The following CAPZB variants were observed in gnomAD, a reference collection of about 807,000 sequenced individuals.
The protein encoded by CAPZB is F-actin-capping protein subunit beta.
Under a neutral mutation model 38.1 loss-of-function variants are expected in CAPZB, and 2 were observed. That is an observed-to-expected ratio of 0.05 (90% CI 0.02 to 0.17). The LOEUF (loss-of-function observed/expected upper bound fraction) is 0.17. Ranked by LOEUF, CAPZB falls within the 10% of genes least tolerant of loss-of-function variation. The probability of loss-of-function intolerance (pLI) is 1.00; values close to 1 mark genes in which losing one functional copy is unlikely to be tolerated. For synonymous variants in CAPZB, 107 were observed against 127.4 expected, an observed-to-expected ratio of 0.84 and a Z score of 1.08; for missense variants, 161 against 334.2, an observed-to-expected ratio of 0.48 and a Z score of 4.04.
chr1:19,460,900 T>C (rs1335044665), intron 1 of CAPZB, among the ~76,000 whole-genome samples: 1 of 152,084 alleles, frequency 6.6e-6, no homozygotes. Flanking sequence ...AACTGCATTG[T>C]TAGCCTTCAG....
At chr1:19,407,625 G>A (rs2094338409) in intron 2 of CAPZB, among the ~76,000 whole-genome samples, 1 of 152,180 alleles carries the variant, frequency 6.6e-6, no homozygotes, top group Non-Finnish European at 1.5e-5. Flanking sequence ...CTGGAAGGCT[G>A]AGGATTGAGG....
At chr1:19,419,273 G>A (rs578193135) in intron 2 of CAPZB, among the ~76,000 whole-genome samples, 1 of 152,318 alleles carries the variant, frequency 6.6e-6, no homozygotes, top group South Asian at 2.1e-4. Flanking sequence ...GTACTGTGTT[G>A]GCTGGAGAAA....
At chr1:19,411,826 G>A (rs1266682167) in intron 2 of CAPZB, among the ~76,000 whole-genome samples, 1 of 152,108 alleles carries the variant, frequency 6.6e-6, no homozygotes, top group Non-Finnish European at 1.5e-5. Flanking sequence ...TTTCTTCCTG[G>A]TGAAGGGCTG....
chr1:19,436,594 A>G (rs984321439), intron 1 of CAPZB, among the ~76,000 whole-genome samples: 2 of 152,216 alleles, frequency 1.3e-5, no homozygotes, highest in African/African-American at 4.8e-5. Context: ...TCACACCTCA[A>G]TGCAAAGCAT....
chr1:19,411,611 T>C (rs1034229988), intron 2 of CAPZB, among the ~76,000 whole-genome samples: 1 of 152,204 alleles, frequency 6.6e-6, no homozygotes, highest in African/African-American at 2.4e-5. Context: ...CTCCTCTCTT[T>C]CATTCATTCC....
chr1:19,408,949 C>T (rs765323527), intron 2 of CAPZB, among the ~76,000 whole-genome samples: 2 of 152,172 alleles, frequency 1.3e-5, no homozygotes, highest in Admixed American at 6.5e-5. Context: ...TCCAAAAAAG[C>T]TATGTTTCCT....
chr1:19,414,272 G>A (rs1418583085), intron 2 of CAPZB, among the ~76,000 whole-genome samples: 1 of 152,224 alleles, frequency 6.6e-6, no homozygotes, highest in African/African-American at 2.4e-5. Context: ...GGCTACCGCT[G>A]AGGCTGGCAG....
At position 19,484,490 on chromosome 1, in the gene CAPZB, G is replaced by C. The variant is rs2094643593; in HGVS notation, c.3+946C>G. ...GCGGCAGCCTCGAGAAGGGCCCGCA[G>C]AGCAGCGCGCTGCCTTCTGGGCACA... On this transcript the variant is annotated intron_variant, in intron 1 of 8. Coordinates refer to ENST00000264202, the MANE Select transcript of CAPZB (RefSeq NM_004930.5). The C allele has an allele frequency of 1.8e-5, 26 of 1,411,640 alleles. No individual in the cohort carries two copies. The South Asian group carries it at 3.6e-4, about 19-fold the overall frequency. 87.4% of individuals were successfully genotyped at this position (1,411,640 alleles called of 1,614,324 possible). A position where few individuals can be genotyped will look rare whatever the true frequency, so the allele number is the denominator to read the frequency against.
chr1:19,450,144 CAA>C (rs71008167), intron 1 of CAPZB, among the ~76,000 whole-genome samples: 18 of 35,456 alleles, frequency 5.1e-4, no homozygotes, highest in Admixed American at 4.8e-3. Flanking sequence ...ACCCTGTCTC[CAA>C]AAAAAAAAAA....
In CAPZB at chr1:19,357,574, C is replaced by T. The variant is rs771341531; in HGVS notation, c.330-11G>A. ...CCACCTTCAAAATACCTGCAGGAAA[C>T]AGGCCAATGTGCCTGTTAGATGCTA... On this transcript the variant is annotated splice_polypyrimidine_tract_variant and intron_variant, in intron 4 of 8. Coordinates refer to ENST00000264202, the MANE Select transcript of CAPZB (RefSeq NM_004930.5). The surrounding 1 kb of genome is among the most constrained non-coding windows in gnomAD (Gnocchi z 4.3). 6.2e-7 allele frequency: 1 copy of T among 1,613,978 alleles called. No homozygotes were observed. Among genetic ancestry groups the T allele is most frequent in the Non-Finnish European group, 8.5e-7 (1 of 1,179,922 alleles).
At chr1:19,414,498 G>A (rs2094370940) in intron 2 of CAPZB, among the ~76,000 whole-genome samples, 1 of 152,150 alleles carries the variant, frequency 6.6e-6, no homozygotes, top group African/African-American at 2.4e-5. Flanking sequence ...CAAGAGCTGA[G>A]CCTTAGGACA....
intron 1 of CAPZB, among the ~76,000 whole-genome samples, chr1:19,463,473 A>G (rs1335434904): frequency 6.6e-6 from 1 of 152,238 alleles, no homozygotes; most frequent in Non-Finnish European, 1.5e-5. Context: ...TTTCCTTTAC[A>G]GTTAAATTTT....
chr1:19,415,829 G>C (rs989771854), intron 2 of CAPZB, among the ~76,000 whole-genome samples: 3 of 152,240 alleles, frequency 2.0e-5, no homozygotes, highest in Non-Finnish European at 4.4e-5. Context: ...ATGGGCCGCC[G>C]CGCCTGGCCA....
In CAPZB at chr1:19,485,252, C is replaced by T. The variant is rs550173821; in HGVS notation, c.3+184G>A. On this transcript the variant is annotated intron_variant, in intron 1 of 8. Transcript: ENST00000264202. Reference sequence around the variant, plus strand: ...GGGAGCGGGGGCAGGGTCACTGCCACCCAAGTCGTCCGCGCCGGCGGCACC... The same window carrying T: ...GGGAGCGGGGGCAGGGTCACTGCCATCCAAGTCGTCCGCGCCGGCGGCACC... Among the ~76,000 whole-genome samples the T allele has an allele frequency of 8.5e-5, 13 of 152,176 alleles. No homozygotes were observed. In the South Asian group the frequency reaches 2.7e-3, roughly 32 times the overall value.
chr1:19,358,927 A>C lies in CAPZB; in HGVS notation c.330-1364T>G, dbSNP rs61593836. The stretch of plus-strand genomic sequence containing the variant: ...GTCAGACAGACCCAATGACAGCTCT[A>C]GCACGCCCAGCTATGAGTTATGCTC... On this transcript the variant is annotated intron_variant, in intron 4 of 8. Transcript: ENST00000264202. Among the ~76,000 whole-genome samples the C allele has an allele frequency of 1.1e-3, 174 of 152,344 alleles. 1 individual carries two copies. Among genetic ancestry groups the C allele is most frequent in the African/African-American group, 4.0e-3 (168 of 41,588 alleles).
chr1:19,374,162 CA>C (rs936811863), intron 4 of CAPZB: 5 of 152,372 alleles, frequency 3.3e-5, no homozygotes, highest in Non-Finnish European at 5.9e-5. Flanking sequence ...GGGGCAGGAA[CA>C]GGGGCAAGAC....
In CAPZB at chr1:19,428,661, G is replaced by A. The variant is rs192019353; in HGVS notation, c.4-8911C>T. On this transcript the variant is annotated intron_variant, in intron 1 of 8. Transcript: ENST00000264202. ...TTGACGATGCATAATGAGGTCCAGC[G>A]CAAGTTTTGCCAGGTTGCACAGATA... is the stretch of plus-strand genomic sequence containing the variant. Among the ~76,000 whole-genome samples the A allele has an allele frequency of 5.5e-3, 821 of 148,856 alleles. 2 individuals carry two copies. The highest frequency in any genetic ancestry group is 7.8e-3 in the Non-Finnish European group (523 of 66,762).
At chr1:19,417,165 C>G (rs1435063799) in intron 2 of CAPZB, among the ~76,000 whole-genome samples, 2 of 152,134 alleles carry the variant, frequency 1.3e-5, no homozygotes, top group East Asian at 3.9e-4. Context: ...ATGCACATCC[C>G]TGAAAGAGAG....
chr1:19,463,130 T>C (rs1230932134), intron 1 of CAPZB, among the ~76,000 whole-genome samples: 1 of 152,244 alleles, frequency 6.6e-6, no homozygotes. Context: ...TGCTTTATTA[T>C]GCAAATCTGC....
Sources: allele counts gnomAD v4.1 joint callset (sites outside exome capture counted in the v4.1 genomes callset), GRCh38; gene constraint gnomAD v4.1.1; non-coding constraint Gnocchi (gnomAD v3.1); transcripts MANE v1.5; gene names NCBI Gene and HGNC (gene_info 2026-07-23, HGNC 2026-07-21).